The following CHRNB3 variants were observed in gnomAD, a reference collection of about 807,000 sequenced individuals.
CHRNB3 encodes the protein cholinergic receptor nicotinic beta 3 subunit, also known as neuronal acetylcholine receptor subunit beta-3.
Under a neutral mutation model 40.6 loss-of-function variants are expected in CHRNB3, and 37 were observed. The observed-to-expected ratio is 0.91, with a 90% CI of 0.70 to 1.20. CHRNB3 has a LOEUF of 1.20. Ranked by LOEUF, CHRNB3 falls within the 50% of genes most tolerant of loss-of-function variation. The probability of loss-of-function intolerance (pLI) is 0.00; values close to 1 mark genes in which losing one functional copy is unlikely to be tolerated. For missense variants in CHRNB3, 505 were observed against 551.2 expected (o/e 0.92, Z 0.84); for synonymous variants, 207 against 207.1 (o/e 1.00, Z 0.00).
At chr8:42,716,903 C>G (rs965792267) in intron 3 of CHRNB3, among the ~76,000 whole-genome samples, 1 of 152,078 alleles carries the variant, frequency 6.6e-6, no homozygotes, top group Non-Finnish European at 1.5e-5. Context: ...ACAGTTTGTT[C>G]TCCTCTCCCC....
rs751377779 is a variant in CHRNB3 at position 42,731,984 on chromosome 8, C to T, written c.677C>T (p.Ser226Phe). 2 of 1,614,028 alleles carry T rather than the reference C, an allele frequency of 1.2e-6. No homozygotes were observed. The highest frequency in any genetic ancestry group is 1.7e-6 in the Non-Finnish European group (2 of 1,179,986). Residue 226 changes from serine to phenylalanine, a missense_variant, in exon 5 of 6, where the codon TCC (serine) becomes TTC (phenylalanine). Physicochemically the swap from Ser to Phe is radical, Grantham distance 155. Coordinates refer to ENST00000289957, the MANE Select transcript of CHRNB3 (RefSeq NM_000749.5). ...GVYSYPFITY[S>F]FVLRRLPLFY... Reference sequence around the variant, plus strand: ...TACTCCTATCCCTTTATCACGTATTCCTTCGTCCTGAGACGCCTGCCTTTA... The same window carrying T: ...TACTCCTATCCCTTTATCACGTATTTCTTCGTCCTGAGACGCCTGCCTTTA...
intron 3 of CHRNB3, among the ~76,000 whole-genome samples, chr8:42,724,270 A>C (rs1023260344): frequency 2.6e-5 from 4 of 152,132 alleles, no homozygotes; most frequent in African/African-American, 4.8e-5. Flanking sequence ...TCCTTAATCT[A>C]ATAAAGGATA....
intron 3 of CHRNB3, among the ~76,000 whole-genome samples, chr8:42,720,128 T>C (rs1175028993): frequency 7.8e-6 from 1 of 127,700 alleles, no homozygotes; most frequent in East Asian, 2.3e-4. Flanking sequence ...TTTTTTTTTT[T>C]TTTTTTTTTT....
chr8:42,716,955 C>A (rs62516759), intron 3 of CHRNB3, among the ~76,000 whole-genome samples: 8,720 of 152,192 alleles, frequency 0.057, 336 homozygotes, highest in Middle Eastern at 0.11. Context: ...AATATCTGCC[C>A]AGGCCAACAT....
At chr8:42,705,588 T>G (rs571668525) in intron 1 of CHRNB3, 2 of 152,428 alleles carry the variant, frequency 1.3e-5, no homozygotes, top group East Asian at 3.9e-4. Context: ...ATGCTCATGA[T>G]CTTGGACTTC....
chr8:42,723,347 C>T (rs62518213), intron 3 of CHRNB3, among the ~76,000 whole-genome samples: 4,888 of 151,760 alleles, frequency 0.032, 127 homozygotes, highest in Middle Eastern at 0.11. Flanking sequence ...TTTTTGTTTT[C>T]TCTCTTTGAT....
intron 1 of CHRNB3, among the ~76,000 whole-genome samples, chr8:42,697,977 A>G (rs1815705882): frequency 6.6e-6 from 1 of 152,220 alleles, no homozygotes; most frequent in African/African-American, 2.4e-5. Context: ...ATATTTACCA[A>G]TAATTTCTAT....
In CHRNB3 at chr8:42,697,371, G is replaced by A. The variant is rs1815694053; in HGVS notation, c.-176G>A. ...AAATCAATGAAGTGCACTTTGAGAA[G>A]CGGCACACTCGGCGAGAGGGGTTGA... On this transcript the variant is annotated 5_prime_UTR_variant, in exon 1 of 6. Coordinates refer to ENST00000289957, the MANE Select transcript of CHRNB3 (RefSeq NM_000749.5). 3 of 578,106 alleles carry A rather than the reference G, an allele frequency of 5.2e-6. No individual in the cohort carries two copies. Among genetic ancestry groups the A allele is most frequent in the African/African-American group, 1.9e-5 (1 of 53,980 alleles). 35.8% of individuals were successfully genotyped at this position (578,106 alleles called of 1,614,324 possible). A position where few individuals can be genotyped will look rare whatever the true frequency, so the allele number is the denominator to read the frequency against.
intron 3 of CHRNB3, among the ~76,000 whole-genome samples, chr8:42,719,410 C>T (rs1816179690): frequency 6.6e-6 from 1 of 152,104 alleles, no homozygotes; most frequent in Admixed American, 6.6e-5. Flanking sequence ...TTTGGGAGGC[C>T]AAAGCAGGAG....
At position 42,732,424 on chromosome 8, in the gene CHRNB3, C is replaced by A. The variant is rs1405037585; in HGVS notation, c.1117C>A (p.Leu373Ile). 1 of 1,613,418 alleles carries A rather than the reference C, an allele frequency of 6.2e-7. No homozygotes were observed. Among genetic ancestry groups the A allele is most frequent in the Non-Finnish European group, 8.5e-7 (1 of 1,179,870 alleles). ...ESQPVVKGKV[L>I]EKKKQKQLSD... ...TCAACCAGTAGTGAAAGGCAAAGTC[C>A]TCGAAAAAAAGAAACAGAAACAGCT... Residue 373 changes from leucine (L) to isoleucine (I), a missense_variant, in exon 5 of 6, where the codon CTC (leucine) becomes ATC (isoleucine). Transcript: ENST00000289957.
At chr8:42,701,280 G>A (rs1028503031) in intron 1 of CHRNB3, among the ~76,000 whole-genome samples, 7 of 145,758 alleles carry the variant, frequency 4.8e-5, no homozygotes, top group Non-Finnish European at 1.1e-4. Context: ...AATGGTTCAC[G>A]TCTGTAATCC....
At position 42,708,474 on chromosome 8, in the gene CHRNB3, T is replaced by TACACACACACAC. The variant is rs4955; in HGVS notation, c.53-231_53-220dup. ...GAGTGAGACTCTGTCTCAAAAAAAA[T>TACACACACACAC]ACACACACACACACACACACACAAA... is the stretch of plus-strand genomic sequence containing the variant. On this transcript the variant is annotated intron_variant, in intron 1 of 5. Transcript: ENST00000289957. Among the ~76,000 whole-genome samples, 289 of 148,926 alleles carry TACACACACACAC rather than the reference T, an allele frequency of 1.9e-3. 2 individuals are homozygous for TACACACACACAC. Among genetic ancestry groups the TACACACACACAC allele is most frequent in the East Asian group, 8.8e-3 (44 of 5,008 alleles).
intron 3 of CHRNB3, among the ~76,000 whole-genome samples, chr8:42,719,682 T>C (rs945209442): frequency 1.3e-5 from 2 of 152,112 alleles, no homozygotes; most frequent in African/African-American, 4.8e-5. Flanking sequence ...AGCCCTCTGA[T>C]GGGAATCTCA....
At position 42,720,111 on chromosome 8, in the gene CHRNB3, C is replaced by CTTTTTTTTTTTTTTT. The variant is rs869178430; in HGVS notation, c.249+9697_249+9711dup. 4.1e-5 allele frequency among the ~76,000 whole-genome samples: 2 copies of CTTTTTTTTTTTTTTT among 48,746 alleles called. 1 individual carries two copies. Among genetic ancestry groups the CTTTTTTTTTTTTTTT allele is most frequent in the African/African-American group, 1.8e-4 (2 of 11,180 alleles). 32.0% of individuals were successfully genotyped at this position (48,746 alleles called of 152,430 possible). A position where few individuals can be genotyped will look rare whatever the true frequency, so the allele number is the denominator to read the frequency against. On this transcript the variant is annotated intron_variant, in intron 3 of 5. Coordinates refer to ENST00000289957, the MANE Select transcript of CHRNB3 (RefSeq NM_000749.5). ...CAACCCTGCCCCACTCAGAAGCCTT[C>CTTTTTTTTTTTTTTT]TTTTTTTTTTTTTTTTTTTTTTTTT...
intron 1 of CHRNB3, among the ~76,000 whole-genome samples, chr8:42,699,739 T>C (rs1323856611): frequency 6.6e-6 from 1 of 152,136 alleles, no homozygotes; most frequent in African/African-American, 2.4e-5. Flanking sequence ...CACTCCAGCT[T>C]GGGCAACAAG....
intron 3 of CHRNB3, among the ~76,000 whole-genome samples, chr8:42,723,912 C>A (rs567176704): frequency 6.6e-6 from 1 of 152,108 alleles, no homozygotes; most frequent in East Asian, 1.9e-4. Flanking sequence ...ACGGTGAAAC[C>A]CCGTCTCTAT....
chr8:42,719,889 C>G (rs1356600603), intron 3 of CHRNB3, among the ~76,000 whole-genome samples: 1 of 152,024 alleles, frequency 6.6e-6, no homozygotes, highest in African/African-American at 2.4e-5. Flanking sequence ...TTTGAGGCCA[C>G]CAGTGTTAGC....
chr8:42,702,309 ATTTAT>A (rs1815822115), intron 1 of CHRNB3, among the ~76,000 whole-genome samples: 1 of 152,038 alleles, frequency 6.6e-6, no homozygotes, highest in Non-Finnish European at 1.5e-5. Context: ...AGAAATAAAC[ATTTAT>A]TTATTTATCA....
intron 3 of CHRNB3, among the ~76,000 whole-genome samples, chr8:42,718,679 A>C (rs78834662): frequency 2.4e-4 from 8 of 34,042 alleles, no homozygotes; most frequent in South Asian, 1.9e-3. Flanking sequence ...TCTCAAAAAA[A>C]AAAAAAAAAA....
Sources: allele counts gnomAD v4.1 joint callset (sites outside exome capture counted in the v4.1 genomes callset), GRCh38; gene constraint gnomAD v4.1.1; transcripts MANE v1.5; gene names NCBI Gene and HGNC (gene_info 2026-07-23, HGNC 2026-07-21).